RIMKLB: variants seen among roughly 807,000 people sequenced by gnomAD.
RIMKLB encodes beta-citrylglutamate synthase B.
RIMKLB carries 7 observed loss-of-function variants against 32.0 expected under a neutral mutation model. The observed-to-expected ratio is 0.22, with a 90% CI of 0.12 to 0.41. The LOEUF (loss-of-function observed/expected upper bound fraction) is 0.41. Among genes scored for constraint, RIMKLB ranks in the 10% least tolerant of loss-of-function variants. The pLI is 1.00. For missense variants in RIMKLB, 289 were observed against 498.7 expected (o/e 0.58, Z 4.00); for synonymous variants, 172 against 185.1 (o/e 0.93, Z 0.57).
At chr12:8,688,422 G>A (rs760408542) in intron 1 of RIMKLB, among the ~76,000 whole-genome samples, 1 of 152,244 alleles carries the variant, frequency 6.6e-6, no homozygotes, top group South Asian at 2.1e-4. Flanking sequence ...TTTAGGGAAA[G>A]GGGAATGAGA....
chr12:8,752,935 G>A (rs957509227), intron 4 of RIMKLB, among the ~76,000 whole-genome samples: 10 of 151,952 alleles, frequency 6.6e-5, no homozygotes, highest in African/African-American at 1.9e-4. Flanking sequence ...TAGTAGAGAC[G>A]GGGTTTCACC....
At chr12:8,708,523 C>T (rs1214998786) in intron 1 of RIMKLB, among the ~76,000 whole-genome samples, 1 of 152,104 alleles carries the variant, frequency 6.6e-6, no homozygotes, top group African/African-American at 2.4e-5. Context: ...AAACATTGAA[C>T]TTTTCCTTTG....
rs777051947 is a variant in RIMKLB at position 8,755,351 on chromosome 12, T to C, written c.697+1258T>C. Among the ~76,000 whole-genome samples the C allele has an allele frequency of 1.6e-3, 246 of 152,246 alleles. 1 individual carries two copies. Among genetic ancestry groups the C allele is most frequent in the African/African-American group, 5.6e-3 (234 of 41,534 alleles). On this transcript the variant is annotated intron_variant, in intron 5 of 5. Transcript: ENST00000535829. ...CCTGGGCTCAAGTAATCCTCCTTCA[T>C]TGGCCTTCTAAACTTGTGGGATTAT...
chr12:8,728,789 T>TG (rs1565585630), intron 2 of RIMKLB, among the ~76,000 whole-genome samples: 15 of 131,906 alleles, frequency 1.1e-4, no homozygotes, highest in Admixed American at 2.9e-4. Flanking sequence ...GTGTGTGTGT[T>TG]TTTGTTTGTT....
intron 5 of RIMKLB, among the ~76,000 whole-genome samples, chr12:8,769,676 T>C (rs984710954): frequency 1.2e-4 from 19 of 152,166 alleles, no homozygotes; most frequent in African/African-American, 4.3e-4. Flanking sequence ...GGGTTTTGCA[T>C]TCCATTAATG....
intron 1 of RIMKLB, among the ~76,000 whole-genome samples, chr12:8,682,803 TA>T (rs34405359): frequency 0.014 from 1,902 of 132,380 alleles, 42 homozygotes; most frequent in African/African-American, 0.052. Flanking sequence ...ATAAATAAAT[TA>T]AAAAAAAAAA....
At chr12:8,680,404 C>T (rs942210498), upstream of RIMKLB, among the ~76,000 whole-genome samples, 4 of 152,194 alleles carry the variant, frequency 2.6e-5, no homozygotes, top group African/African-American at 7.2e-5. Context: ...CGTGATCCGC[C>T]TGCCTCAGCC....
chr12:8,756,632 A>G (rs1426203824), intron 5 of RIMKLB, among the ~76,000 whole-genome samples: 3 of 152,014 alleles, frequency 2.0e-5, no homozygotes, highest in Non-Finnish European at 2.9e-5. Context: ...ATGATAGAGT[A>G]AGAACACAGT....
chr12:8,777,732 A>G (rs979276892), downstream of RIMKLB: 3 of 1,245,200 alleles, frequency 2.4e-6, no homozygotes, highest in African/African-American at 4.7e-5. Context: ...CCCTTCCCCC[A>G]ATAATGCAGC....
chr12:8,777,930 A>C (rs1950827735), downstream of RIMKLB: 1 of 173,474 alleles, frequency 5.8e-6, no homozygotes, highest in African/African-American at 2.4e-5. Context: ...ATAATGCATA[A>C]ATGTATCTAG....
At chr12:8,764,607 C>G (rs1036314303) in intron 5 of RIMKLB, among the ~76,000 whole-genome samples, 2 of 152,022 alleles carry the variant, frequency 1.3e-5, no homozygotes, top group African/African-American at 4.8e-5. Context: ...AACCTCCTGG[C>G]CCTCAATGGT....
At chr12:8,736,506 G>C (rs1947016162) in intron 2 of RIMKLB, among the ~76,000 whole-genome samples, 1 of 147,088 alleles carries the variant, frequency 6.8e-6, no homozygotes, top group Non-Finnish European at 1.5e-5. Flanking sequence ...AAATTCTTAA[G>C]CATGTATTTC....
intron 2 of RIMKLB, among the ~76,000 whole-genome samples, chr12:8,734,932 A>G (rs1946861189): frequency 6.6e-6 from 1 of 152,200 alleles, no homozygotes; most frequent in African/African-American, 2.4e-5. Context: ...TAGTCCTTTT[A>G]TGAGACTTGA....
In RIMKLB at chr12:8,715,462, G is replaced by A. The variant is rs191756089; in HGVS notation, c.175+1421G>A. Among the ~76,000 whole-genome samples the A allele has an allele frequency of 7.9e-5, 12 of 152,126 alleles. No individual in the cohort carries two copies. In the East Asian group the frequency reaches 1.7e-3, roughly 22 times the overall value. On this transcript the variant is annotated intron_variant, in intron 2 of 5. Transcript: ENST00000535829. ...CTGGTCTCCAACTCTGAACTCAAGT[G>A]ATCCACCCACCTCGGCTTCCAAAAG...
intron 2 of RIMKLB, among the ~76,000 whole-genome samples, chr12:8,741,933 T>G (rs1382915629): frequency 1.3e-5 from 2 of 151,240 alleles, no homozygotes; most frequent in African/African-American, 4.9e-5. Flanking sequence ...CTTTTTTTTT[T>G]GTTTTTTTTG....
rs1015722513 is a variant in RIMKLB at position 8,775,772 on chromosome 12, A to G, written c.*1988A>G. ...ATAGAATAGTACCTCTCATCTGTGCAGTGTCTCATTTCACCTCAGAGAAAA... is the reference window on the plus strand; with the variant it reads ...ATAGAATAGTACCTCTCATCTGTGCGGTGTCTCATTTCACCTCAGAGAAAA... On this transcript the variant is annotated 3_prime_UTR_variant, in exon 6 of 6. Transcript: ENST00000535829. 3.0e-6 allele frequency: 3 copies of G among 985,440 alleles called. No individual in the cohort carries two copies. The highest frequency in any genetic ancestry group is 3.6e-6 in the Non-Finnish European group (3 of 829,624). 61.0% of individuals were successfully genotyped at this position (985,440 alleles called of 1,614,324 possible).
chr12:8,685,390 T>C (rs1000257931), intron 1 of RIMKLB, among the ~76,000 whole-genome samples: 4 of 152,232 alleles, frequency 2.6e-5, no homozygotes, highest in East Asian at 1.9e-4. Context: ...TTTGTTTTGT[T>C]TGATCATGAA....
the RIMKLB span, among the ~76,000 whole-genome samples, chr12:8,672,094 A>G: frequency 0.019 from 2,853 of 152,346 alleles, 84 homozygotes; most frequent in African/African-American, 0.065. Flanking sequence ...TTGCTAAAAC[A>G]TAACAAGAGT....
upstream of RIMKLB, chr12:8,697,921 C>G (rs1942980776): frequency 6.7e-6 from 1 of 148,898 alleles, no homozygotes; most frequent in African/African-American, 2.4e-5. Flanking sequence ...GGGCGGCGTT[C>G]GGTCTGAGGG....
Sources: gnomAD v4.1 joint callset for allele counts (sites outside exome capture counted in the v4.1 genomes callset) on GRCh38, gnomAD v4.1.1 for gene constraint, MANE v1.5 for transcripts, NCBI Gene and HGNC (gene_info 2026-07-23, HGNC 2026-07-21) for gene names.